The following RGS8 variants were observed in gnomAD, a reference collection of about 807,000 sequenced individuals.
RGS8 encodes the protein regulator of G protein signaling 8, also known as regulator of G-protein signaling 8.
RGS8 carries 8 observed loss-of-function variants against 21.7 expected under a neutral mutation model. The observed-to-expected ratio is 0.37, with a 90% confidence interval of 0.22 to 0.66. The LOEUF (loss-of-function observed/expected upper bound fraction) is 0.66, where lower values mean the gene tolerates loss of function less well. Ranked by LOEUF, RGS8 falls within the 30% of genes least tolerant of loss-of-function variation. The probability of loss-of-function intolerance (pLI) is 0.59; values close to 1 mark genes in which losing one functional copy is unlikely to be tolerated. For missense variants in RGS8, 157 were observed against 217.9 expected, an observed-to-expected ratio of 0.72 and a Z score of 1.76; for synonymous variants, 80 against 83.6, an observed-to-expected ratio of 0.96 and a Z score of 0.24.
At chr1:182,692,607 G>A in the RGS8 span, among the ~76,000 whole-genome samples, 1 of 86,866 alleles carries the variant, frequency 1.2e-5, no homozygotes, top group Admixed American at 1.5e-4. Context: ...ATTTTTCACA[G>A]AATTAAAAAA....
chr1:182,662,246 T>C (rs887464649), intron 5 of RGS8, among the ~76,000 whole-genome samples: 2 of 152,318 alleles, frequency 1.3e-5, no homozygotes, highest in East Asian at 1.9e-4. Context: ...ACAGGCACCA[T>C]AGTCCCTCTT....
chr1:182,644,272 G>A (rs1018761967), downstream of RGS8: 2 of 152,260 alleles, frequency 1.3e-5, no homozygotes, highest in African/African-American at 4.8e-5. Context: ...TACAAGGTAT[G>A]AGGAAAGCTC....
chr1:182,692,216 G>T, the RGS8 span, among the ~76,000 whole-genome samples: 2 of 151,944 alleles, frequency 1.3e-5, no homozygotes, highest in Admixed American at 1.3e-4. Flanking sequence ...CGTTGGTCAG[G>T]CTGGTCTCGA....
chr1:182,648,018 T>A, intron 6 of RGS8, 119 bp downstream of exon 7: 1 of 849,842 alleles, frequency 1.2e-6, no homozygotes, highest in Non-Finnish European at 1.7e-6. Context: ...GCCACCAGAG[T>A]GATGAGGCTC....
chr1:182,646,841 G>A (rs1362708423), exon 7 of RGS8: 1 of 1,614,074 alleles, frequency 6.2e-7, no homozygotes, highest in Non-Finnish European at 8.5e-7. Flanking sequence ...TTTTCCTTGG[G>A]CTTGGTCAAA....
At chr1:182,650,952 C>A (rs1029530385) in intron 5 of RGS8, among the ~76,000 whole-genome samples, 1 of 152,166 alleles carries the variant, frequency 6.6e-6, no homozygotes, top group African/African-American at 2.4e-5. Flanking sequence ...TGTAAGGTTA[C>A]TTCCTGTCAG....
chr1:182,676,926 G>A (rs1158466674), upstream of RGS8, among the ~76,000 whole-genome samples: 4 of 152,098 alleles, frequency 2.6e-5, no homozygotes, highest in Non-Finnish European at 5.9e-5. Context: ...TATTTCTCAG[G>A]GCGATTATAT....
the RGS8 span, among the ~76,000 whole-genome samples, chr1:182,740,573 TATTGATCATTCTTGGG>T: frequency 1.1e-5 from 1 of 87,324 alleles, no homozygotes; most frequent in Admixed American, 1.3e-4. Context: ...TTTTTTTTTT[TATTGATCATTCTTGGG>T]TGTTTCTCGC....
At chr1:182,698,690 A>G in the RGS8 span, among the ~76,000 whole-genome samples, 1 of 152,162 alleles carries the variant, frequency 6.6e-6, no homozygotes, top group Non-Finnish European at 1.5e-5. Context: ...AGTCAGCAAT[A>G]TTATCACGAT....
intron 1 of RGS8, among the ~76,000 whole-genome samples, chr1:182,682,950 C>T (rs919553308): frequency 2.0e-5 from 3 of 152,218 alleles, no homozygotes; most frequent in African/African-American, 7.2e-5. Context: ...GGAGAAAGAC[C>T]TTCACCTAAC....
the RGS8 span, among the ~76,000 whole-genome samples, chr1:182,692,033 T>C: frequency 6.7e-6 from 1 of 148,354 alleles, no homozygotes; most frequent in East Asian, 2.0e-4. Flanking sequence ...TGAGATAGAG[T>C]CTTGCTCTGT....
At chr1:182,654,746 A>C (rs572704544) in intron 5 of RGS8, among the ~76,000 whole-genome samples, 2 of 152,332 alleles carry the variant, frequency 1.3e-5, no homozygotes, top group Admixed American at 1.3e-4. Context: ...AAAGGCTTAA[A>C]CTTAGATTCC....
intron 4 of RGS8, among the ~76,000 whole-genome samples, 164 bp from the exon 6 acceptor site, chr1:182,666,197 T>C (rs1041211185): frequency 6.6e-6 from 1 of 152,148 alleles, no homozygotes. Context: ...CACTGTAAAT[T>C]TGTACATTCT....
At chr1:182,675,468 C>T (rs1056468415), upstream of RGS8, among the ~76,000 whole-genome samples, 3 of 152,284 alleles carry the variant, frequency 2.0e-5, no homozygotes, top group African/African-American at 7.2e-5. Context: ...TACACTACCA[C>T]CAGAGTACCA....
At chr1:182,713,081 A>T in the RGS8 span, among the ~76,000 whole-genome samples, 1 of 152,232 alleles carries the variant, frequency 6.6e-6, no homozygotes. Flanking sequence ...AGCCATGGCG[A>T]CCAACTAAGA....
chr1:182,729,008 C>A, the RGS8 span, among the ~76,000 whole-genome samples: 3 of 152,096 alleles, frequency 2.0e-5, no homozygotes, highest in African/African-American at 7.2e-5. Context: ...GTAAACAATA[C>A]AATAAAATAA....
exon 7 of RGS8, chr1:182,646,810 T>A: frequency 1.2e-6 from 2 of 1,614,180 alleles, no homozygotes; most frequent in South Asian, 2.2e-5. Flanking sequence ...GGTAAGAGTC[T>A]TTCTCCATGA....
chr1:182,665,876 G>C (rs1663832280), intron 5 of RGS8, 93 bp downstream of exon 6: 14 of 1,115,086 alleles, frequency 1.3e-5, no homozygotes, highest in Admixed American at 1.7e-5. Context: ...GGAACACCTA[G>C]TACATACCTG....
At chr1:182,750,505 A>G in the RGS8 span, among the ~76,000 whole-genome samples, 1 of 152,102 alleles carries the variant, frequency 6.6e-6, no homozygotes. Flanking sequence ...TTTTCTATAT[A>G]TTTTTATACA....
Sources: gnomAD v4.1 joint callset for allele counts (sites outside exome capture counted in the v4.1 genomes callset) on GRCh38, gnomAD v4.1.1 for gene constraint, MANE v1.5 for transcripts, NCBI Gene and HGNC (gene_info 2026-07-23, HGNC 2026-07-21) for gene names.